BPTF: variants seen among roughly 807,000 people sequenced by gnomAD.
BPTF encodes nucleosome-remodeling factor subunit BPTF.
BPTF carries 18 observed loss-of-function variants against 292.5 expected under a neutral mutation model. The observed-to-expected ratio is 0.06, with a 90% CI of 0.04 to 0.09. BPTF has a LOEUF of 0.09. Among genes scored for constraint, BPTF ranks in the 10% least tolerant of loss-of-function variants. BPTF has a pLI of 1.00. For synonymous variants in BPTF, 1,225 were observed against 1,251.9 expected, an observed-to-expected ratio of 0.98 and a Z score of 0.45; for missense variants, 2,726 against 3,498.7, an observed-to-expected ratio of 0.78 and a Z score of 5.57.
intron 4 of BPTF, chr17:67,875,810 G>A (rs566913550): frequency 2.3e-5 from 29 of 1,281,364 alleles, no homozygotes; most frequent in East Asian, 8.8e-5. Context: ...AGTAAAAGCC[G>A]AATGTCACCT....
intron 2 of BPTF, among the ~76,000 whole-genome samples, chr17:67,866,072 G>C (rs1274868811): frequency 1.3e-5 from 2 of 152,110 alleles, no homozygotes; most frequent in African/African-American, 4.8e-5. Flanking sequence ...AGTGAACCAC[G>C]ATGGTGCCAC....
At chr17:67,925,460 TTGA>T (rs2063790079) in intron 15 of BPTF, among the ~76,000 whole-genome samples, 1 of 152,144 alleles carries the variant, frequency 6.6e-6, no homozygotes, top group African/African-American at 2.4e-5. Flanking sequence ...GTCCAGGGGT[TTGA>T]GACCAGCCTG....
At chr17:67,971,624 C>T (rs2068769466) in intron 26 of BPTF, among the ~76,000 whole-genome samples, 1 of 151,732 alleles carries the variant, frequency 6.6e-6, no homozygotes, top group Non-Finnish European at 1.5e-5. Context: ...GCCAACATGG[C>T]GAAACCCCGT....
intron 23 of BPTF, among the ~76,000 whole-genome samples, chr17:67,958,639 G>A (rs1386300958): frequency 2.0e-5 from 3 of 152,014 alleles, no homozygotes; most frequent in Admixed American, 6.5e-5. Context: ...TGAGGCAGGA[G>A]AATCACTTGA....
intron 2 of BPTF, among the ~76,000 whole-genome samples, chr17:67,855,170 G>A (rs193256453): frequency 2.4e-3 from 362 of 152,118 alleles, no homozygotes; most frequent in Admixed American, 5.1e-3. Context: ...GTGTGGTGGC[G>A]CACACCTGTA....
chr17:67,951,517 TG>T, intron 23 of BPTF: 1 of 152,062 alleles, frequency 6.6e-6, no homozygotes, highest in African/African-American at 2.4e-5. Flanking sequence ...TGCCACACAC[TG>T]TTTCCGTTCC....
intron 12 of BPTF, among the ~76,000 whole-genome samples, chr17:67,919,174 AAT>A (rs1354698536): frequency 3.9e-5 from 1 of 25,886 alleles, no homozygotes; most frequent in Non-Finnish European, 7.9e-5. Context: ...TCTGTCTCAA[AAT>A]AATAATAATA....
chr17:67,947,226 A>C (rs1436325948), intron 21 of BPTF, among the ~76,000 whole-genome samples: 2 of 152,216 alleles, frequency 1.3e-5, no homozygotes, highest in Admixed American at 6.5e-5. Flanking sequence ...TATTATATTT[A>C]AATGTATTAT....
Position 67,982,485 on chromosome 17 carries a change from C to T in BPTF, c.*197C>T. ...GACAAGAAAAAAGCAAAGTCAACGACACCATTATCTTGTCAAGATCAGATG... is the reference window on the plus strand; with the variant it reads ...GACAAGAAAAAAGCAAAGTCAACGATACCATTATCTTGTCAAGATCAGATG... On this transcript the variant is annotated 3_prime_UTR_variant, in exon 28 of 28. Coordinates refer to ENST00000306378, the MANE Select transcript of BPTF (RefSeq NM_182641.4). 2.1e-6 allele frequency: 1 copy of T among 469,198 alleles called. No homozygotes were observed. The highest frequency in any genetic ancestry group is 2.0e-5 in the African/African-American group (1 of 50,040). The allele number at this position is 469,198 out of a possible 1,614,324, so 29.1% of individuals were successfully genotyped here.
chr17:67,903,159 G>T (rs535293350), intron 7 of BPTF, among the ~76,000 whole-genome samples: 8 of 152,324 alleles, frequency 5.3e-5, no homozygotes, highest in Admixed American at 5.2e-4. Context: ...CTTTCTCTGC[G>T]GATGTAAGAA....
intron 18 of BPTF, among the ~76,000 whole-genome samples, chr17:67,939,681 T>G (rs1469885101): frequency 6.6e-6 from 1 of 152,082 alleles, no homozygotes; most frequent in Non-Finnish European, 1.5e-5. Context: ...ATCAAGACCA[T>G]CCTGACTAAC....
At chr17:67,843,235 T>C (rs2057722144) in intron 1 of BPTF, among the ~76,000 whole-genome samples, 1 of 148,528 alleles carries the variant, frequency 6.7e-6, no homozygotes. Flanking sequence ...CCTATATATC[T>C]ACATACATGT....
intron 3 of BPTF, among the ~76,000 whole-genome samples, chr17:67,868,144 T>TA (rs2059497022): frequency 6.6e-6 from 1 of 152,226 alleles, no homozygotes; most frequent in Non-Finnish European, 1.5e-5. Context: ...TTTATTTTGT[T>TA]ACTCAACTCT....
At chr17:67,868,115 A>C (rs1392664999) in intron 3 of BPTF, among the ~76,000 whole-genome samples, 2 of 152,184 alleles carry the variant, frequency 1.3e-5, no homozygotes, top group African/African-American at 4.8e-5. Context: ...TTATTAGGTT[A>C]TAATTCAATG....
intron 26 of BPTF, chr17:67,974,558 G>A (rs1555692835): frequency 6.6e-6 from 1 of 152,318 alleles, no homozygotes; most frequent in East Asian, 1.9e-4. Context: ...GCCCCAGGTG[G>A]TTTTACCTGC....
chr17:67,826,015 C>A lies in BPTF; in HGVS notation c.291C>A (p.Gly97=). 1.7e-6 allele frequency: 1 copy of A among 599,146 alleles called. No individual in the cohort carries two copies. Among genetic ancestry groups the A allele is most frequent in the Non-Finnish European group, 2.3e-6 (1 of 426,012 alleles). The allele number at this position is 599,146 out of a possible 1,614,324, so 37.1% of individuals were successfully genotyped here. Residue 97 remains glycine, a synonymous_variant, in exon 1 of 28, where the codon GGC becomes GGA. Transcript: ENST00000306378. ...CCCCGGGCCGGGGGGGGCGAGGAGG[C>A]GGGGGCGGCAGGACGGGGGGCGGGG... The part of the protein sequence containing the change: ...TSAPGRGGRG[G]GGGRTGGGGG...
intron 1 of BPTF, among the ~76,000 whole-genome samples, chr17:67,842,817 C>CAAAAAAAAAAAAAAAAAA (rs60085248): frequency 2.1e-5 from 1 of 47,802 alleles, no homozygotes. Flanking sequence ...CAATTAAGGC[C>CAAAAAAAAAAAAAAAAAA]AAAAAAAAAA....
chr17:67,851,852 G>A (rs905311720), intron 1 of BPTF, among the ~76,000 whole-genome samples: 1 of 151,608 alleles, frequency 6.6e-6, no homozygotes, highest in Non-Finnish European at 1.5e-5. Flanking sequence ...CCATTGAGGA[G>A]TCTGAGAACA....
At chr17:67,917,139 T>A (rs1328318987) in intron 11 of BPTF, among the ~76,000 whole-genome samples, 1 of 144,068 alleles carries the variant, frequency 6.9e-6, no homozygotes, top group Admixed American at 7.0e-5. Flanking sequence ...TCCTTTTTTT[T>A]TTTTTTTTTT....
Sources: allele counts gnomAD v4.1 joint callset (sites outside exome capture counted in the v4.1 genomes callset), GRCh38; gene constraint gnomAD v4.1.1; transcripts MANE v1.5; gene names NCBI Gene and HGNC (gene_info 2026-07-23, HGNC 2026-07-21).